The following VPS13B variants were observed in gnomAD, a reference collection of about 807,000 sequenced individuals.
VPS13B encodes intermembrane lipid transfer protein VPS13B.
VPS13B carries 285 observed loss-of-function variants against 426.4 expected under a neutral mutation model. That is an observed-to-expected ratio of 0.67 (90% confidence interval 0.61 to 0.74). The LOEUF (loss-of-function observed/expected upper bound fraction) is 0.74. VPS13B is among the 30% of genes least tolerant of loss of function. The pLI is 0.00. For synonymous variants in VPS13B, 1,676 were observed against 1,676.4 expected (o/e 1.00, Z 0.01); for missense variants, 4,537 against 4,782.6 (o/e 0.95, Z 1.51).
rs1809820988 is a variant in VPS13B at position 99,131,847 on chromosome 8, T to C, written c.1207-2785T>C. ...CCACGTTAATTGACTCTTCCTTTCA[T>C]GGAAGATTTCTCTGTAGCATGGGAT... On this transcript the variant is annotated intron_variant, in intron 8 of 61. Transcript: ENST00000357162. 2.0e-5 allele frequency among the ~76,000 whole-genome samples: 3 copies of C among 152,164 alleles called. No individual in the cohort carries two copies. In the South Asian group the frequency reaches 6.2e-4, roughly 31 times the overall value.
intron 33 of VPS13B, among the ~76,000 whole-genome samples, chr8:99,635,776 C>G (rs1419516269): frequency 6.6e-6 from 1 of 151,926 alleles, no homozygotes; most frequent in Non-Finnish European, 1.5e-5. Context: ...CAAGCTTCCC[C>G]AAAATGCTAC....
chr8:99,821,727 G>A (rs773789378), intron 50 of VPS13B, among the ~76,000 whole-genome samples: 8 of 152,138 alleles, frequency 5.3e-5, no homozygotes, highest in Admixed American at 1.3e-4. Context: ...ATACTCAGCA[G>A]TAACTTGATT....
chr8:99,699,636 A>T lies in VPS13B; in HGVS notation c.6158A>T (p.His2053Leu). The T allele has an allele frequency of 6.2e-7, 1 of 1,614,190 alleles. No individual in the cohort carries two copies. Among genetic ancestry groups the T allele is most frequent in the Non-Finnish European group, 8.5e-7 (1 of 1,180,032 alleles). The change falls in exon 36 of 62, where the codon CAT becomes CTT. Residue 2053 changes from histidine (H) to leucine (L), a missense_variant. By Grantham distance (99) the His-to-Leu change is moderately conservative (BLOSUM62 -3). Around this residue, in one of 2 missense-constraint regions of VPS13B, gnomAD observed 4,311 missense variants for 4,474.3 expected, o/e 0.96. Coordinates refer to ENST00000357162, the MANE Select transcript of VPS13B (RefSeq NM_152564.5). ...ATAAAAAATGCACACAGTTTGGCAC[A>T]TAGTGAAGAGACTTCAGCCATGTCC... is the stretch of plus-strand genomic sequence containing the variant. ...KKIKNAHSLA[H>L]SEETSAMSNT... is the part of the protein sequence containing the mutation.
chr8:99,341,897 G>C (rs1477424475), intron 19 of VPS13B: 2 of 162,764 alleles, frequency 1.2e-5, no homozygotes, highest in African/African-American at 4.8e-5. Context: ...CCGCAGCCTG[G>C]CCTGGACAGC....
chr8:99,736,163 C>T (rs78796200), intron 39 of VPS13B, among the ~76,000 whole-genome samples: 4,352 of 152,128 alleles, frequency 0.029, 84 homozygotes, highest in Non-Finnish European at 0.041. Context: ...TAGAAAGTTA[C>T]GAATTTAGTT....
At chr8:99,140,569 C>A (rs1356650517) in intron 12 of VPS13B, among the ~76,000 whole-genome samples, 1 of 143,684 alleles carries the variant, frequency 7.0e-6, no homozygotes, top group African/African-American at 2.5e-5. Context: ...CTCCTCCTTT[C>A]TTCTTGCTGC....
At chr8:99,665,374 T>C (rs1350663012) in intron 35 of VPS13B, among the ~76,000 whole-genome samples, 2 of 152,214 alleles carry the variant, frequency 1.3e-5, no homozygotes, top group Non-Finnish European at 2.9e-5. Flanking sequence ...TTTGGTGTTT[T>C]AGACATGAAG....
At chr8:99,507,712 TA>T in intron 28 of VPS13B, 1 of 1,612,208 alleles carries the variant, frequency 6.2e-7, no homozygotes, top group Non-Finnish European at 8.5e-7. Context: ...TTTTTTTGCT[TA>T]TGGCTTTTAT....
At chr8:99,274,373 A>T in intron 18 of VPS13B, 41 bp downstream of exon 18, 1 of 1,613,912 alleles carries the variant, frequency 6.2e-7, no homozygotes, top group Non-Finnish European at 8.5e-7. Context: ...TTGCCTGTAT[A>T]GGAGAATTGG....
At position 99,368,860 on chromosome 8, in the gene VPS13B, A is replaced by G. The variant is rs1454506294; in HGVS notation, c.2825-15348A>G. 4.6e-5 allele frequency among the ~76,000 whole-genome samples: 7 copies of G among 152,306 alleles called. No individual in the cohort carries two copies. In the East Asian group the frequency reaches 1.2e-3, roughly 25 times the overall value. On this transcript the variant is annotated intron_variant, in intron 19 of 61. Coordinates refer to ENST00000357162, the MANE Select transcript of VPS13B (RefSeq NM_152564.5). The stretch of plus-strand genomic sequence containing the variant: ...GATTAACTCCCTAGAATGGGCATTC[A>G]TGATCTAGCCATATTCTCTATGTAT...
intron 19 of VPS13B, among the ~76,000 whole-genome samples, chr8:99,376,959 T>C (rs993750324): frequency 2.6e-5 from 4 of 152,104 alleles, no homozygotes; most frequent in African/African-American, 7.2e-5. Context: ...ACATTAGGTA[T>C]GTATAAAAAT....
At chr8:99,059,750 T>G (rs1033618197) in intron 3 of VPS13B, among the ~76,000 whole-genome samples, 1 of 148,606 alleles carries the variant, frequency 6.7e-6, no homozygotes, top group Non-Finnish European at 1.5e-5. Flanking sequence ...TTTTTTTTTT[T>G]GAGACAGGGT....
intron 3 of VPS13B, among the ~76,000 whole-genome samples, chr8:99,086,476 G>C (rs1433021571): frequency 6.6e-6 from 1 of 152,118 alleles, no homozygotes; most frequent in Non-Finnish European, 1.5e-5. Flanking sequence ...GTCATTGTCC[G>C]TCCAGCTTTG....
At chr8:99,617,118 T>A (rs1427993088) in intron 33 of VPS13B, among the ~76,000 whole-genome samples, 1 of 152,102 alleles carries the variant, frequency 6.6e-6, no homozygotes, top group Admixed American at 6.5e-5. Context: ...TACACAAAAA[T>A]TGAAAAGTCA....
intron 8 of VPS13B, among the ~76,000 whole-genome samples, chr8:99,132,755 A>G (rs1349121718): frequency 6.6e-6 from 1 of 152,204 alleles, no homozygotes; most frequent in Non-Finnish European, 1.5e-5. Context: ...GTATGTCTCC[A>G]TCAGAGGTGT....
Position 99,818,849 on chromosome 8 carries a change from T to C in VPS13B, c.8582T>C (p.Ile2861Thr), listed in dbSNP as rs752148080. ...GKGQEKPLQN[I>T]EPDLVHHLTF... ...GGGCAGGAAAAACCACTGCAAAACA[T>C]AGAACCTGACCTTGTACATCACCTG... Residue 2861 changes from isoleucine to threonine, a missense_variant, in exon 47 of 62, where the codon ATA becomes ACA. By Grantham distance (89) the Ile-to-Thr change is moderately conservative. This residue lies in a region of VPS13B where 4,311 missense variants were observed against 4,474.3 expected (regional missense o/e 0.96). Coordinates refer to ENST00000357162, the MANE Select transcript of VPS13B (RefSeq NM_152564.5). The C allele has an allele frequency of 3.1e-6, 5 of 1,613,334 alleles. No homozygotes were observed. Among genetic ancestry groups the C allele is most frequent in the South Asian group, 1.1e-5 (1 of 91,058 alleles).
At chr8:99,564,582 GC>G (rs2133784155) in intron 31 of VPS13B, among the ~76,000 whole-genome samples, 2 of 152,346 alleles carry the variant, frequency 1.3e-5, no homozygotes, top group African/African-American at 4.8e-5. Context: ...GTGAGAACAA[GC>G]CAGAATCTGC....
At chr8:99,308,648 A>C (rs1240627508) in intron 19 of VPS13B, among the ~76,000 whole-genome samples, 1 of 152,116 alleles carries the variant, frequency 6.6e-6, no homozygotes, top group African/African-American at 2.4e-5. Flanking sequence ...ATACGTGTGC[A>C]TGTGTCTTTA....
intron 33 of VPS13B, among the ~76,000 whole-genome samples, chr8:99,600,866 G>C (rs1012246409): frequency 1.3e-5 from 2 of 152,094 alleles, no homozygotes; most frequent in Non-Finnish European, 2.9e-5. Flanking sequence ...GCATCTCCCT[G>C]CACTTTGCAA....
Sources: gnomAD v4.1 joint callset for allele counts (sites outside exome capture counted in the v4.1 genomes callset) on GRCh38, gnomAD v4.1.1 for gene constraint, gnomAD v4.1.1 regional missense constraint, MANE v1.5 for transcripts, NCBI Gene and HGNC (gene_info 2026-07-23, HGNC 2026-07-21) for gene names.